LINC01488: variants seen among roughly 807,000 people sequenced by gnomAD.
The protein encoded by LINC01488 is CCND1-upstream intergenic DNA repair 1.
In LINC01488 at chr11:69,483,322, G is replaced by A. The variant is rs564611941; in HGVS notation, n.122+1539G>A. Among the ~76,000 whole-genome samples the A allele has an allele frequency of 5.9e-5, 9 of 152,284 alleles. No homozygotes were observed. The South Asian group carries it at 1.5e-3, about 25-fold the overall frequency. On this transcript the variant is annotated intron_variant and non_coding_transcript_variant, in intron 1 of 3. Coordinates refer to ENST00000644563, the Ensembl canonical transcript of LINC01488. ...GGAGCCTACAGGTGGAGCCTGGGGT[G>A]GAATTCCACTTCCTCCACTTATCAG... is the stretch of plus-strand genomic sequence containing the variant.
At chr11:69,490,929 ACT>A (rs923021200) in intron 2 of LINC01488, 2 of 146,182 alleles carry the variant, frequency 1.4e-5, no homozygotes, top group Non-Finnish European at 3.0e-5. Flanking sequence ...TACCCCTGCG[ACT>A]CTGCCCAAGC....
exon 4 of LINC01488, chr11:69,493,192 T>C (rs956760329): frequency 6.6e-6 from 1 of 152,228 alleles, no homozygotes; most frequent in African/African-American, 2.4e-5. Context: ...AGCACTGGAA[T>C]AAAAGGCATT....
At chr11:69,488,539 C>T (rs575158201) in intron 1 of LINC01488, among the ~76,000 whole-genome samples, 4 of 152,350 alleles carry the variant, frequency 2.6e-5, no homozygotes, top group Non-Finnish European at 4.4e-5. Context: ...ACAGAAAAGG[C>T]GCCTTTGTCA....
At position 69,484,787 on chromosome 11, in the gene LINC01488, C is replaced by A. The variant is rs551671729; in HGVS notation, n.122+3004C>A. ...CCTGGGGCCTCGTCTTCAGTCTGTGCTTTGCATTGTCCTCCTCCTGCTGGG... is the reference window on the plus strand; with the variant it reads ...CCTGGGGCCTCGTCTTCAGTCTGTGATTTGCATTGTCCTCCTCCTGCTGGG... On this transcript the variant is annotated intron_variant and non_coding_transcript_variant, in intron 1 of 3. Coordinates refer to ENST00000644563, the Ensembl canonical transcript of LINC01488. Among the ~76,000 whole-genome samples, 32 of 152,348 alleles carry A rather than the reference C, an allele frequency of 2.1e-4. 1 individual carries two copies. The South Asian group carries it at 5.2e-3, about 25-fold the overall frequency.
intron 1 of LINC01488, among the ~76,000 whole-genome samples, chr11:69,490,102 G>A (rs1438455366): frequency 6.6e-6 from 1 of 152,192 alleles, no homozygotes; most frequent in East Asian, 1.9e-4. Context: ...CCCAGCCAAG[G>A]AGAAGTGCCC....
chr11:69,492,450 G>C (rs1017043908), exon 4 of LINC01488: 2 of 152,448 alleles, frequency 1.3e-5, no homozygotes, highest in Non-Finnish European at 2.9e-5. Flanking sequence ...TCATCACAAG[G>C]GTGCTTATAA....
chr11:69,486,817 G>A (rs1211910400), intron 1 of LINC01488, among the ~76,000 whole-genome samples: 1 of 152,118 alleles, frequency 6.6e-6, no homozygotes, highest in Admixed American at 6.5e-5. Flanking sequence ...GCCCCAGGAC[G>A]GCTGCCTGGC....
At chr11:69,482,889 T>A (rs2134964727) in intron 1 of LINC01488, among the ~76,000 whole-genome samples, 1 of 152,318 alleles carries the variant, frequency 6.6e-6, no homozygotes, top group East Asian at 1.9e-4. Context: ...TTCCTCTATG[T>A]GGGTCCGTAT....
At chr11:69,483,875 G>A (rs543906318) in intron 1 of LINC01488, among the ~76,000 whole-genome samples, 65 of 152,330 alleles carry the variant, frequency 4.3e-4, no homozygotes, top group African/African-American at 1.4e-3. Flanking sequence ...GGTGCCTCCC[G>A]GTGGGCTGGG....
At chr11:69,488,193 T>A (rs1172813554) in intron 1 of LINC01488, 1 of 152,450 alleles carries the variant, frequency 6.6e-6, no homozygotes, top group African/African-American at 2.4e-5. Flanking sequence ...AAGAACATCA[T>A]GATGCATCCC....
At chr11:69,489,629 C>CGGTA (rs1464280179) in intron 1 of LINC01488, among the ~76,000 whole-genome samples, 1 of 152,244 alleles carries the variant, frequency 6.6e-6, no homozygotes, top group Non-Finnish European at 1.5e-5. Context: ...TCCCATGCAC[C>CGGTA]GGTAGCGGGT....
At chr11:69,488,770 G>A (rs1857166595) in intron 1 of LINC01488, among the ~76,000 whole-genome samples, 1 of 152,228 alleles carries the variant, frequency 6.6e-6, no homozygotes. Flanking sequence ...CACCAGCATG[G>A]CACGGGGCCC....
At chr11:69,486,605 G>T (rs615029) in intron 1 of LINC01488, among the ~76,000 whole-genome samples, 28,674 of 150,158 alleles carry the variant, frequency 0.19, 3,293 homozygotes, top group African/African-American at 0.33. Context: ...CGCTGTCCTG[G>T]GGGGTCTTCC....
intron 1 of LINC01488, among the ~76,000 whole-genome samples, chr11:69,488,494 C>A (rs980985409): frequency 6.6e-6 from 1 of 152,206 alleles, no homozygotes; most frequent in African/African-American, 2.4e-5. Flanking sequence ...GAGGTGGGCA[C>A]CAGACCCAGG....
intron 1 of LINC01488, among the ~76,000 whole-genome samples, chr11:69,489,692 G>A (rs1857187926): frequency 6.6e-6 from 1 of 152,206 alleles, no homozygotes; most frequent in South Asian, 2.1e-4. Flanking sequence ...GCAGGGACAG[G>A]GGCAGGTCTC....
intron 1 of LINC01488, among the ~76,000 whole-genome samples, chr11:69,487,081 T>G (rs3018096): frequency 1 from 152,359 of 152,360 alleles, 76,179 homozygotes; most frequent in Non-Finnish European, 1. Flanking sequence ...CATTCCCAGG[T>G]GGCCTGGGGC....
chr11:69,485,898 C>T (rs913892448), intron 1 of LINC01488: 1 of 152,208 alleles, frequency 6.6e-6, no homozygotes, highest in Non-Finnish European at 1.5e-5. Context: ...GCCTCTGCTG[C>T]ATCCTTAGCT....
intron 1 of LINC01488, among the ~76,000 whole-genome samples, chr11:69,485,024 C>A (rs534751155): frequency 6.6e-6 from 1 of 152,176 alleles, no homozygotes; most frequent in Non-Finnish European, 1.5e-5. Context: ...ACCACCCAAC[C>A]CCCCGCCACC....
intron 1 of LINC01488, chr11:69,486,275 T>C (rs985276512): frequency 2.6e-5 from 4 of 152,168 alleles, no homozygotes; most frequent in Admixed American, 2.6e-4. Flanking sequence ...CGTGGAGGGG[T>C]CTGTGCCCTG....
Sources: allele counts gnomAD v4.1 joint callset (sites outside exome capture counted in the v4.1 genomes callset), GRCh38; gene constraint gnomAD v4.1.1; transcripts MANE v1.5; gene names NCBI Gene and HGNC (gene_info 2026-07-23, HGNC 2026-07-21).